MACROD2: variants seen among roughly 807,000 people sequenced by gnomAD.
MACROD2 encodes the protein ADP-ribose glycohydrolase MACROD2.
In MACROD2, 36 loss-of-function variants were observed where a neutral mutation model predicts 70.4. The ratio of observed to expected loss-of-function variants is 0.51; its 90% CI spans 0.39 to 0.68. The LOEUF (loss-of-function observed/expected upper bound fraction) is 0.68, where lower values mean the gene tolerates loss of function less well. MACROD2 is among the 30% of genes least tolerant of loss of function. The pLI is 0.00. For synonymous variants in MACROD2, 172 were observed against 178.8 expected (o/e 0.96, Z 0.30); for missense variants, 496 against 538.4 (o/e 0.92, Z 0.78).
At chr20:14,684,802 C>G in intron 4 of MACROD2, 41 bp from the exon 5 acceptor site, 1 of 1,517,534 alleles carries the variant, frequency 6.6e-7, no homozygotes, top group South Asian at 1.1e-5. Context: ...TATTTATTTC[C>G]AAATGCCAAA....
chr20:14,269,205 C>T (rs991994626), intron 3 of MACROD2, among the ~76,000 whole-genome samples: 8 of 152,076 alleles, frequency 5.3e-5, no homozygotes, highest in African/African-American at 1.9e-4. Context: ...CACAGATCAA[C>T]CAACAGGAGA....
At chr20:15,153,018 G>A (rs1332073804) in intron 5 of MACROD2, among the ~76,000 whole-genome samples, 1 of 152,134 alleles carries the variant, frequency 6.6e-6, no homozygotes, top group African/African-American at 2.4e-5. Context: ...TTTGAAATTG[G>A]TAAGATGTTT....
intron 3 of MACROD2, among the ~76,000 whole-genome samples, chr20:14,251,848 TA>T (rs1207381955): frequency 6.6e-6 from 1 of 152,042 alleles, no homozygotes; most frequent in Non-Finnish European, 1.5e-5. Context: ...CAAAGGAGTT[TA>T]AGGAAGCTGA....
intron 15 of MACROD2, among the ~76,000 whole-genome samples, chr20:16,014,379 C>T (rs895201499): frequency 2.6e-5 from 4 of 152,112 alleles, no homozygotes; most frequent in Non-Finnish European, 5.9e-5. Context: ...AAAAGATTCT[C>T]GATAAATAGC....
chr20:14,352,589 C>A (rs768365500), intron 3 of MACROD2, among the ~76,000 whole-genome samples: 8 of 152,136 alleles, frequency 5.3e-5, no homozygotes, highest in Non-Finnish European at 1.2e-4. Context: ...ACCCTTCTAA[C>A]CTCTGCCCCT....
In MACROD2 at chr20:15,179,531, C is replaced by T. The variant is rs191464918; in HGVS notation, c.419-50409C>T. 8.1e-4 allele frequency among the ~76,000 whole-genome samples: 124 copies of T among 152,262 alleles called. 1 individual carries two copies. The highest frequency in any genetic ancestry group is 3.4e-3 in the Admixed American group (52 of 15,290). ...TGGCATCTGGGTGCAGACTGTTTTG[C>T]ACTCACCCCCAGACTGTTTTTACCC... is the stretch of plus-strand genomic sequence containing the variant. On this transcript the variant is annotated intron_variant, in intron 5 of 17. Coordinates refer to ENST00000684519, the MANE Select transcript of MACROD2 (RefSeq NM_001351661.2).
intron 6 of MACROD2, among the ~76,000 whole-genome samples, chr20:15,387,033 A>G (rs931276701): frequency 6.6e-6 from 1 of 152,160 alleles, no homozygotes; most frequent in Non-Finnish European, 1.5e-5. Context: ...GTGAGATAAG[A>G]GCAAACCAGC....
intron 3 of MACROD2, among the ~76,000 whole-genome samples, chr20:14,357,913 T>G (rs975658555): frequency 9.9e-5 from 15 of 152,234 alleles, no homozygotes; most frequent in Non-Finnish European, 1.8e-4. Flanking sequence ...CAAAAAACTT[T>G]GGAGCTGCCA....
chr20:14,071,903 C>T (rs1262792984), intron 2 of MACROD2, among the ~76,000 whole-genome samples: 1 of 151,878 alleles, frequency 6.6e-6, no homozygotes, highest in Non-Finnish European at 1.5e-5. Flanking sequence ...AACTTTGTCT[C>T]TACAAAACAA....
intron 4 of MACROD2, among the ~76,000 whole-genome samples, chr20:14,655,981 G>T (rs1372794151): frequency 6.6e-6 from 1 of 152,162 alleles, no homozygotes; most frequent in South Asian, 2.1e-4. Flanking sequence ...ATGAAGAAAG[G>T]AGCTGTAGGG....
chr20:14,084,846 G>T (rs1057488932), intron 2 of MACROD2, among the ~76,000 whole-genome samples: 2 of 151,846 alleles, frequency 1.3e-5, no homozygotes, highest in Non-Finnish European at 2.9e-5. Flanking sequence ...GAGCTGGCCA[G>T]GCATGGTGGC....
rs527903705 is a variant in MACROD2 at position 14,051,356 on chromosome 20, A to G, written c.164-34265A>G. Among the ~76,000 whole-genome samples the G allele has an allele frequency of 6.6e-5, 10 of 152,348 alleles. No individual in the cohort carries two copies. The South Asian group carries it at 2.1e-3, about 32-fold the overall frequency. On this transcript the variant is annotated intron_variant, in intron 2 of 17. Transcript: ENST00000684519. ...CTAAATAAGCCATTTAAATTTACACATAATCTCCAACCTATACTTTTCTTT... is the reference window on the plus strand; with the variant it reads ...CTAAATAAGCCATTTAAATTTACACGTAATCTCCAACCTATACTTTTCTTT...
intron 5 of MACROD2, among the ~76,000 whole-genome samples, chr20:15,022,450 A>G (rs1399794348): frequency 2.0e-5 from 3 of 152,202 alleles, no homozygotes; most frequent in Non-Finnish European, 4.4e-5. Flanking sequence ...AAAGTTGGAT[A>G]GAACATATTT....
intron 5 of MACROD2, among the ~76,000 whole-genome samples, chr20:14,914,338 A>C (rs766096679): frequency 6.6e-6 from 1 of 152,110 alleles, no homozygotes; most frequent in South Asian, 2.1e-4. Flanking sequence ...TTCCCTCAGG[A>C]TATTTAGTGT....
At chr20:16,022,077 G>A (rs1206539100) in intron 15 of MACROD2, among the ~76,000 whole-genome samples, 1 of 119,960 alleles carries the variant, frequency 8.3e-6, no homozygotes, top group African/African-American at 3.1e-5. Flanking sequence ...TTGAGACAGC[G>A]TCTCACTCTG....
At chr20:14,520,766 C>T (rs1362288966) in intron 4 of MACROD2, among the ~76,000 whole-genome samples, 1 of 152,176 alleles carries the variant, frequency 6.6e-6, no homozygotes, top group Non-Finnish European at 1.5e-5. Context: ...TCTTTATCTT[C>T]CACCTGTAAT....
intron 6 of MACROD2, among the ~76,000 whole-genome samples, chr20:15,403,288 G>A (rs931700650): frequency 2.6e-4 from 40 of 151,992 alleles, no homozygotes; most frequent in African/African-American, 8.2e-4. Flanking sequence ...TTTAATACTC[G>A]TACATAAATT....
At chr20:15,554,176 C>G (rs1457507304) in intron 8 of MACROD2, among the ~76,000 whole-genome samples, 1 of 152,094 alleles carries the variant, frequency 6.6e-6, no homozygotes, top group East Asian at 1.9e-4. Context: ...TGAGAAGTGG[C>G]ATAGAGAGAG....
intron 4 of MACROD2, among the ~76,000 whole-genome samples, chr20:14,655,888 A>G (rs558648727): frequency 1.8e-4 from 27 of 152,304 alleles, no homozygotes; most frequent in African/African-American, 6.3e-4. Context: ...TCAAAGCTCA[A>G]TGATATCTTT....
Sources: gnomAD v4.1 joint callset for allele counts (sites outside exome capture counted in the v4.1 genomes callset) on GRCh38, gnomAD v4.1.1 for gene constraint, MANE v1.5 for transcripts, NCBI Gene and HGNC (gene_info 2026-07-23, HGNC 2026-07-21) for gene names.